ERC2: variants seen among roughly 807,000 people sequenced by gnomAD.
ERC2 encodes ERC protein 2.
A neutral mutation model predicts 114.8 loss-of-function variants in ERC2; 42 were observed. That is an observed-to-expected ratio of 0.37 (90% CI 0.29 to 0.47). The LOEUF is 0.47. Among genes scored for constraint, ERC2 ranks in the 20% least tolerant of loss-of-function variants. The pLI is 0.99. For synonymous variants in ERC2, 454 were observed against 425.5 expected, an observed-to-expected ratio of 1.07 and a Z score of -0.82; for missense variants, 939 against 1,150.7, an observed-to-expected ratio of 0.82 and a Z score of 2.66.
chr3:55,827,322 AAG>A (rs1361453268), intron 14 of ERC2, among the ~76,000 whole-genome samples: 1 of 151,056 alleles, frequency 6.6e-6, no homozygotes, highest in Non-Finnish European at 1.5e-5. Flanking sequence ...AGAAAGAAGA[AAG>A]AGAAAAAGAA....
chr3:55,972,249 C>T (rs1004399241), intron 12 of ERC2, among the ~76,000 whole-genome samples: 1 of 152,114 alleles, frequency 6.6e-6, no homozygotes, highest in African/African-American at 2.4e-5. Flanking sequence ...TAACAAAATG[C>T]TTTTTATTTG....
intron 13 of ERC2, among the ~76,000 whole-genome samples, chr3:55,921,500 G>A (rs2065427310): frequency 6.6e-6 from 1 of 152,048 alleles, no homozygotes; most frequent in Non-Finnish European, 1.5e-5. Flanking sequence ...CAATATGACA[G>A]TTCAAAATTC....
At chr3:55,758,644 G>A (rs540370849) in intron 14 of ERC2, among the ~76,000 whole-genome samples, 10 of 152,290 alleles carry the variant, frequency 6.6e-5, no homozygotes, top group African/African-American at 1.7e-4. Flanking sequence ...AAGGGCTGGC[G>A]TTCAGACAAG....
intron 14 of ERC2, among the ~76,000 whole-genome samples, chr3:55,845,275 C>T (rs1205955025): frequency 2.6e-5 from 4 of 152,138 alleles, no homozygotes; most frequent in East Asian, 3.9e-4. Context: ...GAGGCCGAGG[C>T]GGGCGGATCA....
chr3:55,903,348 C>T (rs1254042845), intron 13 of ERC2, among the ~76,000 whole-genome samples: 1 of 152,150 alleles, frequency 6.6e-6, no homozygotes, highest in Non-Finnish European at 1.5e-5. Flanking sequence ...TCAAATGTAA[C>T]TCTGGTATCA....
At chr3:55,956,926 C>G (rs966527783) in intron 12 of ERC2, among the ~76,000 whole-genome samples, 3 of 139,254 alleles carry the variant, frequency 2.2e-5, no homozygotes, top group Non-Finnish European at 4.7e-5. Flanking sequence ...TTGTGTCTTC[C>G]ACCTCCTCTG....
chr3:56,087,057 A>AC (rs1384417711), intron 6 of ERC2, among the ~76,000 whole-genome samples: 1 of 152,090 alleles, frequency 6.6e-6, no homozygotes, highest in African/African-American at 2.4e-5. Context: ...ATGCACAAAG[A>AC]CCCAGAAGGT....
intron 3 of ERC2, among the ~76,000 whole-genome samples, chr3:56,265,160 A>T (rs186648079): frequency 6.6e-6 from 1 of 152,340 alleles, no homozygotes; most frequent in Non-Finnish European, 1.5e-5. Flanking sequence ...AATCCTGAGG[A>T]AGAAAAATAA....
intron 2 of ERC2, among the ~76,000 whole-genome samples, chr3:56,424,279 T>A (rs2061489661): frequency 6.6e-6 from 1 of 152,192 alleles, no homozygotes; most frequent in Non-Finnish European, 1.5e-5. Flanking sequence ...CCTGATTTTT[T>A]TTTTTTGGTG....
chr3:56,212,326 C>A (rs922372829), intron 3 of ERC2, among the ~76,000 whole-genome samples: 1 of 152,044 alleles, frequency 6.6e-6, no homozygotes, highest in Non-Finnish European at 1.5e-5. Context: ...AGAAGGTATA[C>A]AAATGGCCAA....
chr3:55,836,522 A>T (rs1471100288), intron 14 of ERC2, among the ~76,000 whole-genome samples: 2 of 152,228 alleles, frequency 1.3e-5, no homozygotes, highest in Non-Finnish European at 2.9e-5. Context: ...TCTATTTAAT[A>T]AATGGTGCTG....
chr3:56,088,002 C>T (rs1441562353), intron 6 of ERC2, among the ~76,000 whole-genome samples: 2 of 152,154 alleles, frequency 1.3e-5, no homozygotes, highest in Non-Finnish European at 2.9e-5. Flanking sequence ...CTCCTGAAAA[C>T]AGGAAAGATC....
At chr3:55,731,407 A>G (rs564585858) in intron 15 of ERC2, among the ~76,000 whole-genome samples, 1 of 152,386 alleles carries the variant, frequency 6.6e-6, no homozygotes, top group African/African-American at 2.4e-5. Flanking sequence ...TAGTTGCAAT[A>G]GCAGCTTACA....
At chr3:56,188,034 G>A (rs999077332) in intron 3 of ERC2, among the ~76,000 whole-genome samples, 3 of 152,160 alleles carry the variant, frequency 2.0e-5, no homozygotes, top group Non-Finnish European at 4.4e-5. Context: ...GAAGAGGAAA[G>A]AAGTGGATTT....
intron 17 of ERC2, among the ~76,000 whole-genome samples, chr3:55,570,327 C>T (rs987021124): frequency 8.5e-5 from 13 of 152,082 alleles, no homozygotes; most frequent in African/African-American, 2.4e-4. Context: ...CTGTGCTGAA[C>T]GCTGGAAAGG....
At chr3:56,268,472 AAAC>A (rs2150286709) in intron 3 of ERC2, among the ~76,000 whole-genome samples, 1 of 152,310 alleles carries the variant, frequency 6.6e-6, no homozygotes, top group East Asian at 1.9e-4. Context: ...CATATATAAA[AAAC>A]AAAATAAATA....
chr3:55,831,426 A>C (rs190381396), intron 14 of ERC2, among the ~76,000 whole-genome samples: 1 of 41,492 alleles, frequency 2.4e-5, no homozygotes. Flanking sequence ...GGGGAAGGGA[A>C]GGGAAGGGAG....
chr3:55,952,275 T>TTATTGGTAGCA (rs1444735899), intron 12 of ERC2, among the ~76,000 whole-genome samples: 1 of 150,694 alleles, frequency 6.6e-6, no homozygotes, highest in African/African-American at 2.4e-5. Flanking sequence ...GATTTAAATA[T>TTATTGGTAGCA]TATTGGTAGC....
Position 56,023,169 on chromosome 3 carries a change from GC to G in ERC2, c.1642-4139del, listed in dbSNP as rs1247678987. 3.3e-5 allele frequency among the ~76,000 whole-genome samples: 5 copies of G among 152,268 alleles called. No homozygotes were observed. In the East Asian group the frequency reaches 7.7e-4, roughly 24 times the overall value. On this transcript the variant is annotated intron_variant, in intron 7 of 17. Transcript: ENST00000288221. ...AAGGGACCATTGACTAACAGCCACA[GC>G]CTCCTTGACTCCACATTTGCTCCTC... is the stretch of plus-strand genomic sequence containing the variant.
Sources: allele counts gnomAD v4.1 joint callset (sites outside exome capture counted in the v4.1 genomes callset), GRCh38; gene constraint gnomAD v4.1.1; transcripts MANE v1.5; gene names NCBI Gene and HGNC (gene_info 2026-07-23, HGNC 2026-07-21).